Variants in KCNH5 observed in about 807,000 individuals in gnomAD.
The protein encoded by KCNH5 is voltage-gated delayed rectifier potassium channel KCNH5.
Under a neutral mutation model 96.1 loss-of-function variants are expected in KCNH5, and 46 were observed. The observed-to-expected ratio is 0.48, with a 90% CI of 0.38 to 0.61. The LOEUF (loss-of-function observed/expected upper bound fraction) is 0.61. Among genes scored for constraint, KCNH5 ranks in the 20% least tolerant of loss-of-function variants. The pLI is 0.00. For missense variants in KCNH5, 907 were observed against 1,225.8 expected, an observed-to-expected ratio of 0.74 and a Z score of 3.88; for synonymous variants, 439 against 449.8, an observed-to-expected ratio of 0.98 and a Z score of 0.30.
intron 1 of KCNH5, among the ~76,000 whole-genome samples, chr14:63,017,204 C>A (rs17100635): frequency 0.016 from 2,418 of 152,028 alleles, 96 homozygotes; most frequent in East Asian, 0.14. Flanking sequence ...ATAATTCTTT[C>A]CATTCAAGTA....
chr14:62,861,867 T>C (rs146700208), intron 7 of KCNH5, among the ~76,000 whole-genome samples: 103 of 152,326 alleles, frequency 6.8e-4, no homozygotes, highest in African/African-American at 2.4e-3. Context: ...CTTGAATTTA[T>C]AAAATGCAAA....
chr14:62,724,808 G>A lies in KCNH5; in HGVS notation c.2020-16353C>T, dbSNP rs140278739. Reference sequence around the variant, plus strand: ...TATTTAAGTCAAAGGACAAGTATTAGAAGCCACACTGCCTGTTTCTGTAGT... The same window carrying A: ...TATTTAAGTCAAAGGACAAGTATTAAAAGCCACACTGCCTGTTTCTGTAGT... On this transcript the variant is annotated intron_variant, in intron 10 of 10. Transcript: ENST00000322893. Among the ~76,000 whole-genome samples the A allele has an allele frequency of 1.8e-3, 275 of 152,294 alleles. 1 individual carries two copies. Among genetic ancestry groups the A allele is most frequent in the African/African-American group, 6.1e-3 (255 of 41,564 alleles).
chr14:62,872,271 A>T (rs1285116544), intron 7 of KCNH5, among the ~76,000 whole-genome samples: 2 of 152,224 alleles, frequency 1.3e-5, no homozygotes, highest in South Asian at 2.1e-4. Flanking sequence ...GTATTATTTT[A>T]AAAAAGAGAA....
intron 7 of KCNH5, among the ~76,000 whole-genome samples, chr14:62,913,482 T>C (rs543973850): frequency 2.1e-4 from 32 of 152,298 alleles, no homozygotes; most frequent in African/African-American, 7.2e-4. Context: ...TGCCTTGGCC[T>C]CCCAAAGTGT....
In KCNH5 at chr14:62,706,809, G is replaced by A. The variant is rs1377817568; in HGVS notation, c.*699C>T. On this transcript the variant is annotated 3_prime_UTR_variant, in exon 11 of 11. Coordinates refer to ENST00000322893, the MANE Select transcript of KCNH5 (RefSeq NM_139318.5). The stretch of plus-strand genomic sequence containing the variant: ...AAGATGGCAGCTGTTCTCCAAGAAG[G>A]AGGGAGTAGGGATTTCCTTACATAA... The A allele has an allele frequency of 6.6e-6, 1 of 152,142 alleles. No homozygotes were observed. The highest frequency in any genetic ancestry group is 2.4e-5 in the African/African-American group (1 of 41,446). 9.4% of individuals were successfully genotyped at this position (152,142 alleles called of 1,614,324 possible). A position where few individuals can be genotyped will look rare whatever the true frequency, so the allele number is the denominator to read the frequency against.
intron 6 of KCNH5, among the ~76,000 whole-genome samples, chr14:62,966,194 G>A (rs958326689): frequency 6.6e-6 from 1 of 152,116 alleles, no homozygotes; most frequent in Non-Finnish European, 1.5e-5. Flanking sequence ...TGCACACTGG[G>A]CATTTGATCA....
At chr14:62,789,598 C>G (rs1416397042) in intron 9 of KCNH5, among the ~76,000 whole-genome samples, 1 of 151,918 alleles carries the variant, frequency 6.6e-6, no homozygotes, top group African/African-American at 2.4e-5. Flanking sequence ...TTTATTATAT[C>G]TAGTCTTTTT....
At position 62,708,175 on chromosome 14, in the gene KCNH5, T is replaced by C; in HGVS notation, c.2300A>G (p.Tyr767Cys). ...CTTAAGGGATTCACTGGTTTTCACA[T>C]AGGCCAGAGACGTCTGAATGGGAGT... ...QITPIQTSLA[Y>C]VKTSESLKQN... The change falls in exon 11 of 11, where the codon TAT becomes TGT. Residue 767 changes from tyrosine to cysteine, a missense_variant. Coordinates refer to ENST00000322893, the MANE Select transcript of KCNH5 (RefSeq NM_139318.5). The C allele has an allele frequency of 6.2e-7, 1 of 1,614,244 alleles. No individual in the cohort carries two copies. The highest frequency in any genetic ancestry group is 1.7e-5 in the Admixed American group (1 of 60,034).
At chr14:62,727,108 T>C (rs2139919731) in intron 10 of KCNH5, among the ~76,000 whole-genome samples, 2 of 152,242 alleles carry the variant, frequency 1.3e-5, no homozygotes, top group African/African-American at 4.8e-5. Flanking sequence ...CTTGTGCCTA[T>C]AATCCCAGTG....
intron 9 of KCNH5, among the ~76,000 whole-genome samples, chr14:62,793,266 CA>C (rs1415951720): frequency 6.6e-6 from 1 of 151,686 alleles, no homozygotes; most frequent in Non-Finnish European, 1.5e-5. Flanking sequence ...CTGTGAACTT[CA>C]AAATTTGTTA....
chr14:62,888,514 T>C (rs1164629152), intron 7 of KCNH5, among the ~76,000 whole-genome samples: 3 of 152,156 alleles, frequency 2.0e-5, no homozygotes, highest in African/African-American at 7.2e-5. Context: ...GATCTCAAGG[T>C]TCCATTCAGC....
chr14:62,922,268 T>C (rs1202071911), intron 7 of KCNH5, among the ~76,000 whole-genome samples: 1 of 152,058 alleles, frequency 6.6e-6, no homozygotes, highest in East Asian at 1.9e-4. Context: ...ATCTACATCT[T>C]TATCTGTATG....
At chr14:62,980,144 T>G (rs1890579360) in intron 6 of KCNH5, among the ~76,000 whole-genome samples, 1 of 152,212 alleles carries the variant, frequency 6.6e-6, no homozygotes, top group Non-Finnish European at 1.5e-5. Flanking sequence ...GATTGTAAGT[T>G]TCCTGAGGCC....
chr14:62,994,569 C>T (rs184537670), intron 4 of KCNH5, among the ~76,000 whole-genome samples: 7 of 152,080 alleles, frequency 4.6e-5, no homozygotes, highest in Admixed American at 4.6e-4. Context: ...GAACACTTTG[C>T]CCCCTTAAAT....
chr14:62,909,665 C>T (rs1889111329), intron 7 of KCNH5, among the ~76,000 whole-genome samples: 1 of 152,102 alleles, frequency 6.6e-6, no homozygotes, highest in Admixed American at 6.5e-5. Flanking sequence ...TCCTGTATTC[C>T]TATAATAAGC....
intron 2 of KCNH5, among the ~76,000 whole-genome samples, chr14:63,012,674 T>C (rs1174737813): frequency 6.6e-6 from 1 of 151,914 alleles, no homozygotes; most frequent in Admixed American, 6.6e-5. Flanking sequence ...ACTACTAGAA[T>C]GTATAAATAG....
intron 8 of KCNH5, among the ~76,000 whole-genome samples, chr14:62,843,362 A>G (rs1887623386): frequency 2.0e-5 from 3 of 150,986 alleles, no homozygotes. Flanking sequence ...GCATCTTAAG[A>G]CCAATTCAGC....
At chr14:62,886,637 T>C in intron 7 of KCNH5, among the ~76,000 whole-genome samples, 1 of 152,224 alleles carries the variant, frequency 6.6e-6, no homozygotes, top group Non-Finnish European at 1.5e-5. Context: ...TCATGAGCTC[T>C]TTGTCTGAAA....
At chr14:62,711,707 C>T (rs143731794) in intron 10 of KCNH5, among the ~76,000 whole-genome samples, 1 of 152,296 alleles carries the variant, frequency 6.6e-6, no homozygotes, top group African/African-American at 2.4e-5. Flanking sequence ...CCCTTCACTT[C>T]CTTTATAGCT....
Sources: allele counts gnomAD v4.1 joint callset (sites outside exome capture counted in the v4.1 genomes callset), GRCh38; gene constraint gnomAD v4.1.1; transcripts MANE v1.5; gene names NCBI Gene and HGNC (gene_info 2026-07-23, HGNC 2026-07-21).